TUBA1A: variants seen among roughly 807,000 people sequenced by gnomAD.
The protein encoded by TUBA1A is tubulin alpha-1A chain.
TUBA1A carries 7 observed loss-of-function variants against 34.6 expected under a neutral mutation model. The observed-to-expected ratio is 0.20, with a 90% CI of 0.11 to 0.38. TUBA1A has a LOEUF of 0.38. Ranked by LOEUF, TUBA1A falls within the 10% of genes least tolerant of loss-of-function variation. The pLI is 1.00. For synonymous variants in TUBA1A, 193 were observed against 210.2 expected (o/e 0.92, Z 0.71); for missense variants, 19 against 581.3 (o/e 0.03, Z 9.95).
rs1230377332 is a variant in TUBA1A, at chr12:49,189,056, A to T, written c.-77T>A. 3 of 1,600,312 alleles carry T rather than the reference A, an allele frequency of 1.9e-6. No individual in the cohort carries two copies. The highest frequency in any genetic ancestry group is 2.7e-5 in the African/African-American group (2 of 74,692). ...TGTTGCTTCTTACAGCGCGACTCTT[A>T]GGCGGTCGATGTAAGAGAACCTGCG... is the stretch of plus-strand genomic sequence containing the variant. On this transcript the variant is annotated 5_prime_UTR_variant, in exon 1 of 4. Coordinates refer to ENST00000301071, the MANE Select transcript of TUBA1A (RefSeq NM_006009.4).
chr12:49,187,288 C>G, intron 1 of TUBA1A: 2 of 1,075,260 alleles, frequency 1.9e-6, no homozygotes, highest in Non-Finnish European at 2.3e-6. Flanking sequence ...GAAGCCACAC[C>G]CTTCTGCAGT....
chr12:49,188,814 G>A lies in TUBA1A; in HGVS notation c.3+163C>T. The A allele has an allele frequency of 6.3e-7, 1 of 1,597,798 alleles. No individual in the cohort carries two copies. The highest frequency in any genetic ancestry group is 8.5e-7 in the Non-Finnish European group (1 of 1,177,902). On this transcript the variant is annotated intron_variant, in intron 1 of 3. Coordinates refer to ENST00000301071, the MANE Select transcript of TUBA1A (RefSeq NM_006009.4). This position sits in a 1 kb window ranked among gnomAD's most constrained non-coding sequence, Gnocchi z 4.9. The stretch of plus-strand genomic sequence containing the variant: ...CCGGTTCCTGCACCCGCACTGCGGC[G>A]GCGGCGGGGCTTGAGGATTTGGGGC...
chr12:49,187,704 A>C (rs546304277), intron 1 of TUBA1A: 1 of 970,714 alleles, frequency 1.0e-6, no homozygotes, highest in African/African-American at 2.0e-5. Context: ...GTTAGAAACA[A>C]GCATCACATG....
At chr12:49,187,750 T>C in intron 1 of TUBA1A, 1 of 983,718 alleles carries the variant, frequency 1.0e-6, no homozygotes, top group South Asian at 4.7e-5. Flanking sequence ...AGTGGAAGGA[T>C]AATGAAATAT....
chr12:49,188,531 G>A lies in TUBA1A; in HGVS notation c.3+446C>T. The A allele has an allele frequency of 6.6e-7, 1 of 1,509,308 alleles. No homozygotes were observed. 93.5% of individuals were successfully genotyped at this position (1,509,308 alleles called of 1,614,324 possible). The stretch of plus-strand genomic sequence containing the variant: ...CCCGTTCCCCCTCCCACGTCCCCCA[G>A]CTCGCCCAACGCCCCCGCTCTTTTT... On this transcript the variant is annotated intron_variant, in intron 1 of 3. Transcript: ENST00000301071. The surrounding 1 kb of genome is among the most constrained non-coding windows in gnomAD (Gnocchi z 4.9).
rs1375565797 is a variant in TUBA1A at position 49,186,941 on chromosome 12, T to G, written c.4-108A>C. 6.5e-7 allele frequency: 1 copy of G among 1,529,722 alleles called. No homozygotes were observed. Among genetic ancestry groups the G allele is most frequent in the Non-Finnish European group, 8.7e-7 (1 of 1,143,922 alleles). The allele number at this position is 1,529,722 out of a possible 1,614,324, so 94.8% of individuals were successfully genotyped here. A position where few individuals can be genotyped will look rare whatever the true frequency, so the allele number is the denominator to read the frequency against. On this transcript the variant is annotated intron_variant, in intron 1 of 3. Coordinates refer to ENST00000301071, the MANE Select transcript of TUBA1A (RefSeq NM_006009.4). This position sits in a 1 kb window ranked among gnomAD's most constrained non-coding sequence, Gnocchi z 6.6. ...AATAATATACAGATATTTTTCTAAA[T>G]TATTTGAGGTCATATCCCCAGCACG...
chr12:49,185,193 C>T lies in TUBA1A; in HGVS notation c.1173G>A (p.Leu391=). The part of the protein sequence containing the change: ...TTAIAEAWAR[L]DHKFDLMYAK... ...CATACATCAGGTCAAACTTGTGGTC[C>T]AGGCGAGCCCAGGCCTCAGCAATGG... The change falls in exon 4 of 4, where the codon CTG becomes CTA. Residue 391 remains leucine, a synonymous_variant. Coordinates refer to ENST00000301071, the MANE Select transcript of TUBA1A (RefSeq NM_006009.4). 1 of 1,614,136 alleles carries T rather than the reference C, an allele frequency of 6.2e-7. No homozygotes were observed. The highest frequency in any genetic ancestry group is 8.5e-7 in the Non-Finnish European group (1 of 1,180,026).
rs1555162635 is a variant in TUBA1A, at chr12:49,187,606, T to TTA, written c.4-774_4-773insTA. ...GTAGCAATTTCATTACTTTTTTTTTTAAAAAAAAAGGTTTTTCCAGATCTT... is the reference window on the plus strand; with the variant it reads ...GTAGCAATTTCATTACTTTTTTTTTTTAAAAAAAAAAGGTTTTTCCAGATCTT... On this transcript the variant is annotated intron_variant, in intron 1 of 3. Transcript: ENST00000301071. 10 of 980,384 alleles carry TTA rather than the reference T, an allele frequency of 1.0e-5. No homozygotes were observed. In the African/African-American group the frequency reaches 1.4e-4, roughly 14 times the overall value. 60.7% of individuals were successfully genotyped at this position (980,384 alleles called of 1,614,324 possible).
At position 49,189,060 on chromosome 12, in the gene TUBA1A, G is replaced by T; in HGVS notation, c.-81C>A. ...GCTTCTTACAGCGCGACTCTTAGGC[G>T]GTCGATGTAAGAGAACCTGCGGCAC... On this transcript the variant is annotated 5_prime_UTR_variant, in exon 1 of 4. Transcript: ENST00000301071. 6.3e-7 allele frequency: 1 copy of T among 1,589,874 alleles called. No homozygotes were observed. Among genetic ancestry groups the T allele is most frequent in the Non-Finnish European group, 8.6e-7 (1 of 1,158,052 alleles).
rs1436944453 is a variant in TUBA1A at position 49,186,852 on chromosome 12, A to C, written c.4-19T>G. ...ACTCACGCTGTGGGGAGGAAAAGTG[A>C]AAAAATCGTAAAATTAAGGTGTATT... On this transcript the variant is annotated intron_variant, in intron 1 of 3. Transcript: ENST00000301071. This position sits in a 1 kb window ranked among gnomAD's most constrained non-coding sequence, Gnocchi z 6.6. The C allele has an allele frequency of 6.2e-7, 1 of 1,614,108 alleles. No individual in the cohort carries two copies. Among genetic ancestry groups the C allele is most frequent in the South Asian group, 1.1e-5 (1 of 91,082 alleles).
At position 49,188,262 on chromosome 12, in the gene TUBA1A, G is replaced by GT; in HGVS notation, c.3+714dup. 4.1e-6 allele frequency: 4 copies of GT among 982,686 alleles called. No individual in the cohort carries two copies. Among genetic ancestry groups the GT allele is most frequent in the Non-Finnish European group, 4.8e-6 (4 of 827,620 alleles). 60.9% of individuals were successfully genotyped at this position (982,686 alleles called of 1,614,324 possible). On this transcript the variant is annotated intron_variant, in intron 1 of 3. Transcript: ENST00000301071. This position sits in a 1 kb window ranked among gnomAD's most constrained non-coding sequence, Gnocchi z 4.9. ...GCCTACAGTTCCGCAATGATGAAAG[G>GT]TTTTTTTGTTTTTTTTTCAGTCAGC...
chr12:49,188,472 G>T lies in TUBA1A; in HGVS notation c.3+505C>A. 3 of 1,535,346 alleles carry T rather than the reference G, an allele frequency of 2.0e-6. No homozygotes were observed. Among genetic ancestry groups the T allele is most frequent in the Non-Finnish European group, 1.7e-6 (2 of 1,146,400 alleles). On this transcript the variant is annotated intron_variant, in intron 1 of 3. Coordinates refer to ENST00000301071, the MANE Select transcript of TUBA1A (RefSeq NM_006009.4). The surrounding 1 kb of genome is among the most constrained non-coding windows in gnomAD (Gnocchi z 4.9). Reference sequence around the variant, plus strand: ...TCCAAAACGCCAAAGACCGCGGAGGGTCTTCCCACGCTAACCCTAGGCTGC... The same window carrying T: ...TCCAAAACGCCAAAGACCGCGGAGGTTCTTCCCACGCTAACCCTAGGCTGC...
chr12:49,187,337 G>C (rs1441181248), intron 1 of TUBA1A: 1 of 1,037,790 alleles, frequency 9.6e-7, no homozygotes, highest in East Asian at 8.7e-5. Context: ...GTTTAGACAA[G>C]GTCTGCCTTC....
Position 49,188,279 on chromosome 12 carries a change from TC to T in TUBA1A, c.3+697del. On this transcript the variant is annotated intron_variant, in intron 1 of 3. Coordinates refer to ENST00000301071, the MANE Select transcript of TUBA1A (RefSeq NM_006009.4). The surrounding 1 kb of genome is among the most constrained non-coding windows in gnomAD (Gnocchi z 4.9). ...GATGAAAGGTTTTTTTGTTTTTTTT[TC>T]AGTCAGCTCCTGACAGAAGAGGTTC... is the stretch of plus-strand genomic sequence containing the variant. The T allele has an allele frequency of 5.0e-6, 7 of 1,399,422 alleles. No individual in the cohort carries two copies. Among genetic ancestry groups the T allele is most frequent in the Non-Finnish European group, 6.5e-6 (7 of 1,075,844 alleles). The allele number at this position is 1,399,422 out of a possible 1,614,324, so 86.7% of individuals were successfully genotyped here. A position where few individuals can be genotyped will look rare whatever the true frequency, so the allele number is the denominator to read the frequency against.
Position 49,188,124 on chromosome 12 carries a change from C to CAGG in TUBA1A, c.3+850_3+852dup, listed in dbSNP as rs1329763010. The CAGG allele has an allele frequency of 1.0e-6, 1 of 978,808 alleles. No individual in the cohort carries two copies. Among genetic ancestry groups the CAGG allele is most frequent in the East Asian group, 1.2e-4 (1 of 8,684 alleles). 60.6% of individuals were successfully genotyped at this position (978,808 alleles called of 1,614,324 possible). A position where few individuals can be genotyped will look rare whatever the true frequency, so the allele number is the denominator to read the frequency against. On this transcript the variant is annotated intron_variant, in intron 1 of 3. Transcript: ENST00000301071. This position sits in a 1 kb window ranked among gnomAD's most constrained non-coding sequence, Gnocchi z 4.9. ...CACACACACACACACTTCAGTCGGT[C>CAGG]AGGGCAGGGCGTCCCCAGACCAGAC... is the stretch of plus-strand genomic sequence containing the variant.
chr12:49,184,825 AACCC>A lies in TUBA1A; in HGVS notation c.*181_*184del, dbSNP rs1368798290. On this transcript the variant is annotated 3_prime_UTR_variant, in exon 4 of 4. Transcript: ENST00000301071. Reference sequence around the variant, plus strand: ...TTAAGACAGGGAATACTTTATTCAAAACCCATCACAGAAATGGACAGCTTGGGTC... The same window carrying A: ...TTAAGACAGGGAATACTTTATTCAAAATCACAGAAATGGACAGCTTGGGTC... The A allele has an allele frequency of 1.1e-6, 1 of 946,674 alleles. No homozygotes were observed. Among genetic ancestry groups the A allele is most frequent in the Non-Finnish European group, 1.6e-6 (1 of 618,706 alleles). The allele number at this position is 946,674 out of a possible 1,614,324, so 58.6% of individuals were successfully genotyped here.
chr12:49,188,562 C>T lies in TUBA1A; in HGVS notation c.3+415G>A. 6.7e-6 allele frequency: 10 copies of T among 1,483,770 alleles called. No individual in the cohort carries two copies. The highest frequency in any genetic ancestry group is 1.8e-6 in the Non-Finnish European group (2 of 1,118,132). The allele number at this position is 1,483,770 out of a possible 1,614,324, so 91.9% of individuals were successfully genotyped here. ...CCAACGCCCCCGCTCTTTTTGGGTG[C>T]CTCCTCCTCTCCCGGTCCCCAGAGA... On this transcript the variant is annotated intron_variant, in intron 1 of 3. Transcript: ENST00000301071. The surrounding 1 kb of genome is among the most constrained non-coding windows in gnomAD (Gnocchi z 4.9).
At chr12:49,187,303 C>A in intron 1 of TUBA1A, 1 of 1,066,328 alleles carries the variant, frequency 9.4e-7, no homozygotes, top group Non-Finnish European at 1.1e-6. Flanking sequence ...TGCAGTCTGT[C>A]TGCAGAATCC....
At position 49,186,168 on chromosome 12, in the gene TUBA1A, T is replaced by G. The variant is rs1438156877; in HGVS notation, c.375+142A>C. 1 of 1,561,692 alleles carries G rather than the reference T, an allele frequency of 6.4e-7. No individual in the cohort carries two copies. Among genetic ancestry groups the G allele is most frequent in the East Asian group, 2.3e-5 (1 of 43,506 alleles). The stretch of plus-strand genomic sequence containing the variant: ...ATGACATCAAATAGTTCATTTTAAC[T>G]GAATTTTAAAAACCCCAAAAGAATG... On this transcript the variant is annotated intron_variant, in intron 3 of 3. Transcript: ENST00000301071. The surrounding 1 kb of genome is among the most constrained non-coding windows in gnomAD (Gnocchi z 6.6).
Sources: allele counts gnomAD v4.1 joint callset, GRCh38; gene constraint gnomAD v4.1.1; non-coding constraint Gnocchi (gnomAD v3.1); transcripts MANE v1.5; gene names NCBI Gene and HGNC (gene_info 2026-07-23, HGNC 2026-07-21).